KDM5B: variants seen among roughly 807,000 people sequenced by gnomAD.
KDM5B encodes lysine-specific demethylase 5B.
Under a neutral mutation model 193.4 loss-of-function variants are expected in KDM5B, and 144 were observed. The ratio of observed to expected loss-of-function variants is 0.74; its 90% CI spans 0.65 to 0.86. KDM5B has a LOEUF of 0.86. KDM5B is among the 40% of genes least tolerant of loss of function. The pLI, the probability that KDM5B is intolerant of heterozygous loss-of-function variation, is 0.00. For missense variants in KDM5B, 1,833 were observed against 1,886.9 expected, an observed-to-expected ratio of 0.97 and a Z score of 0.53; for synonymous variants, 668 against 682.6, an observed-to-expected ratio of 0.98 and a Z score of 0.33.
Position 202,808,416 on chromosome 1 carries a change from T to A in KDM5B, c.-111A>T. Reference sequence around the variant, plus strand: ...CGGCTCGAGCAACAGCAAGTCCGAGTTGTACGGGCAACGGCAGCACCTTGG... The same window carrying A: ...CGGCTCGAGCAACAGCAAGTCCGAGATGTACGGGCAACGGCAGCACCTTGG... On this transcript the variant is annotated 5_prime_UTR_variant, in exon 1 of 27. Coordinates refer to ENST00000367265, the MANE Select transcript of KDM5B (RefSeq NM_006618.5). 1 of 985,994 alleles carries A rather than the reference T, an allele frequency of 1.0e-6. No individual in the cohort carries two copies. Among genetic ancestry groups the A allele is most frequent in the Non-Finnish European group, 1.5e-6 (1 of 687,458 alleles). 61.1% of individuals were successfully genotyped at this position (985,994 alleles called of 1,614,324 possible).
chr1:202,804,879 A>AAAG (rs1658229481), intron 1 of KDM5B, among the ~76,000 whole-genome samples: 1 of 152,026 alleles, frequency 6.6e-6, no homozygotes, highest in Non-Finnish European at 1.5e-5. Context: ...AAAAAAAAAA[A>AAAG]AAAGAAATTT....
intron 9 of KDM5B, 109 bp downstream of exon 9, chr1:202,758,282 G>A: frequency 1.3e-6 from 1 of 764,206 alleles, no homozygotes. Flanking sequence ...TCTGCTTTCT[G>A]TGTGACAATG....
rs1654894127 is a variant in KDM5B, at chr1:202,731,844, A to ACTT, written c.4002_4004dup (p.Arg1334dup). Reference sequence around the variant, plus strand: ...AATACAAACCATGGAGGGGGATACAACTTCGTCCAGTTGAGAAGGGGGAGT... The same window carrying ACTT: ...AATACAAACCATGGAGGGGGATACAACTTCTTCGTCCAGTTGAGAAGGGGGAGT... On this transcript the variant is annotated inframe_insertion, in exon 24 of 27. Transcript: ENST00000367265. The ACTT allele has an allele frequency of 6.2e-7, 1 of 1,611,184 alleles. No homozygotes were observed. Among genetic ancestry groups the ACTT allele is most frequent in the Non-Finnish European group, 8.5e-7 (1 of 1,177,492 alleles).
chr1:202,781,194 GA>G (rs1178836931), intron 1 of KDM5B, among the ~76,000 whole-genome samples: 1 of 152,166 alleles, frequency 6.6e-6, no homozygotes, highest in Non-Finnish European at 1.5e-5. Flanking sequence ...ACCTACTCAG[GA>G]GGCTAAGGCA....
rs35356889 is a variant in KDM5B at position 202,793,002 on chromosome 1, C to CAA, written c.204+15098_204+15099dup. On this transcript the variant is annotated intron_variant, in intron 1 of 26. Transcript: ENST00000367265. ...TGGGCCACACAGCGAGACTCCCTCT[C>CAA]AAAAAAAAAAAAAAAAGACTGTAAG... Among the ~76,000 whole-genome samples, 10 of 111,926 alleles carry CAA rather than the reference C, an allele frequency of 8.9e-5. No homozygotes were observed. In the South Asian group the frequency reaches 1.7e-3, roughly 20 times the overall value. 73.4% of individuals were successfully genotyped at this position (111,926 alleles called of 152,430 possible).
At chr1:202,749,784 TG>T (rs916867661) in intron 13 of KDM5B, among the ~76,000 whole-genome samples, 5 of 152,274 alleles carry the variant, frequency 3.3e-5, no homozygotes, top group South Asian at 4.1e-4. Flanking sequence ...TGAACTGGTA[TG>T]ATCAACCTAC....
intron 20 of KDM5B, among the ~76,000 whole-genome samples, chr1:202,739,930 C>A (rs1466354210): frequency 6.6e-6 from 1 of 152,216 alleles, no homozygotes; most frequent in Non-Finnish European, 1.5e-5. Flanking sequence ...CACCTTTCCC[C>A]CCTTTCTATT....
In KDM5B at chr1:202,760,377, A is replaced by C. The variant is rs372327707; in HGVS notation, c.1077+38T>G. 3.0e-5 allele frequency: 45 copies of C among 1,482,932 alleles called. 1 individual carries two copies. Among genetic ancestry groups the C allele is most frequent in the Admixed American group, 2.4e-4 (10 of 41,862 alleles). The allele number at this position is 1,482,932 out of a possible 1,614,324, so 91.9% of individuals were successfully genotyped here. A position where few individuals can be genotyped will look rare whatever the true frequency, so the allele number is the denominator to read the frequency against. ...CAAAGGCAAAGAAAAATGCCCTAAA[A>C]AAATTTTTCTAGTGTTACCTCTACT... On this transcript the variant is annotated intron_variant, in intron 8 of 26. Transcript: ENST00000367265.
intron 5 of KDM5B, chr1:202,766,629 A>C: frequency 2.1e-6 from 1 of 466,858 alleles, no homozygotes; most frequent in Middle Eastern, 3.2e-4. Context: ...CAATTTTGTG[A>C]GGGTAATGGG....
chr1:202,741,230 A>G, intron 19 of KDM5B, 137 bp downstream of exon 19: 1 of 546,034 alleles, frequency 1.8e-6, no homozygotes, highest in Non-Finnish European at 3.1e-6. Context: ...CAAATATCTC[A>G]GCTATTTCTA....
At position 202,750,746 on chromosome 1, in the gene KDM5B, A is replaced by C; in HGVS notation, c.1734T>G (p.Phe578Leu). The C allele has an allele frequency of 6.2e-7, 1 of 1,614,072 alleles. No individual in the cohort carries two copies. ...VYRTNQCAGE[F>L]VITFPRAYHS... is the part of the protein sequence containing the mutation. ...GGTAGGCTCTTGGAAATGTAATCAC[A>C]AACTCCCCAGCACACTGATTAGTTC... The change falls in exon 13 of 27, where the codon TTT becomes TTG. Residue 578 changes from phenylalanine to leucine, a missense_variant. This residue lies in a region of KDM5B where 1,379 missense variants were observed against 1,349.6 expected (regional missense o/e 1.02). Transcript: ENST00000367265.
intron 14 of KDM5B, among the ~76,000 whole-genome samples, chr1:202,747,335 G>A (rs1302725459): frequency 6.6e-6 from 1 of 152,118 alleles, no homozygotes; most frequent in Non-Finnish European, 1.5e-5. Context: ...AATCAATCAT[G>A]TAGTTCATAC....
At position 202,753,173 on chromosome 1, in the gene KDM5B, G is replaced by A. The variant is rs1655864403; in HGVS notation, c.1539-106C>T. 6.4e-6 allele frequency: 6 copies of A among 943,944 alleles called. No homozygotes were observed. In the Admixed American group the frequency reaches 7.3e-5, roughly 11 times the overall value. 58.5% of individuals were successfully genotyped at this position (943,944 alleles called of 1,614,324 possible). A position where few individuals can be genotyped will look rare whatever the true frequency, so the allele number is the denominator to read the frequency against. ...CGGCTTTGTAAGACTACGCAAAAAA[G>A]GAATCCACAAACTGACGAAATATCA... On this transcript the variant is annotated intron_variant, in intron 11 of 26. Coordinates refer to ENST00000367265, the MANE Select transcript of KDM5B (RefSeq NM_006618.5).
rs766052065 is a variant in KDM5B at position 202,762,792 on chromosome 1, A to C, written c.825T>G (p.Ser275Arg). The C allele has an allele frequency of 6.2e-7, 1 of 1,600,498 alleles. No homozygotes were observed. The highest frequency in any genetic ancestry group is 2.2e-5 in the East Asian group (1 of 44,774). ...PKCENEKEMKSSIKQEPIERK... is the reference protein window; with the variant it reads ...PKCENEKEMKRSIKQEPIERK... ...TCTCAATAGGTTCTTGCTTGATGCT[A>C]CTCTTCATTTCTTTCTCTGTAGGAG... The change falls in exon 7 of 27, where the codon AGT (serine) becomes AGG (arginine). Residue 275 changes from serine to arginine, a missense_variant. Around this residue, in one of 3 missense-constraint regions of KDM5B, gnomAD observed 355 missense variants for 374.9 expected, o/e 0.95. Transcript: ENST00000367265.
chr1:202,724,573 T>A lies in KDM5B; in HGVS notation c.*4463A>T, dbSNP rs555747163. 1 of 152,386 alleles carries A rather than the reference T, an allele frequency of 6.6e-6. No homozygotes were observed. Among genetic ancestry groups the A allele is most frequent in the South Asian group, 2.1e-4 (1 of 4,832 alleles). 9.4% of individuals were successfully genotyped at this position (152,386 alleles called of 1,614,324 possible). ...CATAGATAATGCATTATGGCTATTATGAATGAAGGCCCTCATCCCCAAACT... is the reference window on the plus strand; with the variant it reads ...CATAGATAATGCATTATGGCTATTAAGAATGAAGGCCCTCATCCCCAAACT... On this transcript the variant is annotated 3_prime_UTR_variant, in exon 27 of 27. Coordinates refer to ENST00000367265, the MANE Select transcript of KDM5B (RefSeq NM_006618.5).
chr1:202,764,100 T>A lies in KDM5B; in HGVS notation c.757A>T (p.Thr253Ser). ...CCCATTCGACGTCTCAGATTATGAG[T>A]TCTGGCTTCCGTTGTCTCCTCGGGT... is the stretch of plus-strand genomic sequence containing the variant. ...IEPEETTEARTHNLRRRMGCP... is the reference protein window; with the variant it reads ...IEPEETTEARSHNLRRRMGCP... Residue 253 changes from threonine (T) to serine (S), a missense_variant, in exon 6 of 27, where the codon ACT (threonine) becomes TCT (serine). Transcript: ENST00000367265. 6.3e-7 allele frequency: 1 copy of A among 1,589,464 alleles called. No homozygotes were observed.
In KDM5B at chr1:202,759,795, A is replaced by G. The variant is rs146916920; in HGVS notation, c.1077+620T>C. Among the ~76,000 whole-genome samples the G allele has an allele frequency of 1.8e-4, 27 of 152,346 alleles. No homozygotes were observed. The East Asian group carries it at 5.0e-3, about 28-fold the overall frequency. ...GTGGTTATATATGCATTGTGAAAGC[A>G]TAACTCTACTTTTTAAGTTGTTCAA... On this transcript the variant is annotated intron_variant, in intron 8 of 26. Coordinates refer to ENST00000367265, the MANE Select transcript of KDM5B (RefSeq NM_006618.5).
At position 202,774,701 on chromosome 1, in the gene KDM5B, T is replaced by C. The variant is rs148627688; in HGVS notation, c.317A>G (p.Gln106Arg). ...CTGTAACTCCCAGTACTTTGCAATCTGGTCCAAGAAATTCAATTTTACACG... is the reference window on the plus strand; with the variant it reads ...CTGTAACTCCCAGTACTTTGCAATCCGGTCCAAGAAATTCAATTTTACACG... ...QTRVKLNFLD[Q>R]IAKYWELQGS... Residue 106 changes from glutamine to arginine, a missense_variant, in exon 3 of 27, where the codon CAG (glutamine) becomes CGG (arginine). By Grantham distance (43) the Gln-to-Arg change is conservative. Transcript: ENST00000367265. The C allele has an allele frequency of 1.2e-6, 2 of 1,613,246 alleles. No homozygotes were observed. The highest frequency in any genetic ancestry group is 1.3e-5 in the African/African-American group (1 of 74,930).
At chr1:202,784,523 A>G (rs541892856) in intron 1 of KDM5B, among the ~76,000 whole-genome samples, 2 of 152,362 alleles carry the variant, frequency 1.3e-5, no homozygotes, top group South Asian at 4.1e-4. Flanking sequence ...TATGAAACAT[A>G]AAAGACCACT....
Sources: gnomAD v4.1 joint callset for allele counts (sites outside exome capture counted in the v4.1 genomes callset) on GRCh38, gnomAD v4.1.1 for gene constraint, gnomAD v4.1.1 regional missense constraint, MANE v1.5 for transcripts, NCBI Gene and HGNC (gene_info 2026-07-23, HGNC 2026-07-21) for gene names.